Variants in KIAA0753 observed in about 807,000 individuals in gnomAD.
KIAA0753 encodes KIAA0753.
Under a neutral mutation model 116.9 loss-of-function variants are expected in KIAA0753, and 114 were observed. The observed-to-expected ratio is 0.98, with a 90% CI of 0.84 to 1.14. The LOEUF (loss-of-function observed/expected upper bound fraction) is 1.14, where lower values mean the gene tolerates loss of function less well. Among genes scored for constraint, KIAA0753 ranks in the 50% most tolerant of loss-of-function variants. The pLI is 0.00. For synonymous variants in KIAA0753, 405 were observed against 413.1 expected (o/e 0.98, Z 0.24); for missense variants, 1,156 against 1,172.4 (o/e 0.99, Z 0.20).
Position 6,626,302 on chromosome 17 carries a change from A to G in KIAA0753, c.719-1441T>C, listed in dbSNP as rs759922112. 4.6e-5 allele frequency among the ~76,000 whole-genome samples: 7 copies of G among 152,220 alleles called. No homozygotes were observed. In the East Asian group the frequency reaches 5.8e-4, roughly 13 times the overall value. On this transcript the variant is annotated intron_variant, in intron 3 of 18. Coordinates refer to ENST00000361413, the MANE Select transcript of KIAA0753 (RefSeq NM_014804.3). Reference sequence around the variant, plus strand: ...AGAAAAGGGAGTCTTCAATTAGTAAAAGTGTATTTTATAAGTTCAAATTTT... The same window carrying G: ...AGAAAAGGGAGTCTTCAATTAGTAAGAGTGTATTTTATAAGTTCAAATTTT...
At position 6,582,517 on chromosome 17, in the gene KIAA0753, C is replaced by T. The variant is rs183645056; in HGVS notation, c.2787-2653G>A. The stretch of plus-strand genomic sequence containing the variant: ...CACTCCCCCTCTCCTATTCCTTCTA[C>T]CCCATTCCCACCCAGTTTTTGTTTT... On this transcript the variant is annotated intron_variant, in intron 18 of 18. Coordinates refer to ENST00000361413, the MANE Select transcript of KIAA0753 (RefSeq NM_014804.3). Among the ~76,000 whole-genome samples, 274 of 152,330 alleles carry T rather than the reference C, an allele frequency of 1.8e-3. 4 individuals carry two copies. The highest frequency in any genetic ancestry group is 0.017 in the South Asian group (82 of 4,826).
At chr17:6,611,393 T>A (rs537333756) in intron 8 of KIAA0753, among the ~76,000 whole-genome samples, 1 of 152,268 alleles carries the variant, frequency 6.6e-6, no homozygotes, top group South Asian at 2.1e-4. Context: ...TTCAAACTCC[T>A]GGGATCAAGT....
chr17:6,616,924 TC>T (rs1191667679), intron 7 of KIAA0753, among the ~76,000 whole-genome samples: 1 of 152,170 alleles, frequency 6.6e-6, no homozygotes, highest in East Asian at 1.9e-4. Flanking sequence ...GGTCCAAGTT[TC>T]CCCCCTTTGC....
At chr17:6,595,579 G>A (rs1308390432) in intron 15 of KIAA0753, among the ~76,000 whole-genome samples, 4 of 152,182 alleles carry the variant, frequency 2.6e-5, no homozygotes, top group South Asian at 2.1e-4. Flanking sequence ...AAAAGAAAAC[G>A]CTGAATTGAG....
intron 12 of KIAA0753, among the ~76,000 whole-genome samples, chr17:6,604,576 C>T (rs1027224483): frequency 2.6e-5 from 4 of 152,046 alleles, no homozygotes; most frequent in Non-Finnish European, 5.9e-5. Flanking sequence ...TAATAACACT[C>T]TTGAAATAAC....
intron 7 of KIAA0753, among the ~76,000 whole-genome samples, chr17:6,618,777 GA>G (rs148012862): frequency 0.021 from 3,131 of 150,810 alleles, 103 homozygotes; most frequent in African/African-American, 0.071. Flanking sequence ...AAATCAATGA[GA>G]AAAAAAGAAA....
At chr17:6,618,576 G>C (rs909553236) in intron 7 of KIAA0753, among the ~76,000 whole-genome samples, 1 of 152,140 alleles carries the variant, frequency 6.6e-6, no homozygotes, top group African/African-American at 2.4e-5. Flanking sequence ...TGTTTGGTGT[G>C]GCAAAAACCC....
intron 2 of KIAA0753, 21 bp downstream of exon 2, chr17:6,634,990 C>A (rs754143064): frequency 4.1e-6 from 6 of 1,456,570 alleles, no homozygotes; most frequent in East Asian, 2.3e-5. Flanking sequence ...TAATAAAAAT[C>A]TCAGGCAAAA....
At chr17:6,610,713 TCTCA>T (rs1970486055) in intron 8 of KIAA0753, among the ~76,000 whole-genome samples, 1 of 152,012 alleles carries the variant, frequency 6.6e-6, no homozygotes, top group South Asian at 2.1e-4. Flanking sequence ...AGAGCCAGGG[TCTCA>T]CTGTGTTGTC....
intron 18 of KIAA0753, among the ~76,000 whole-genome samples, chr17:6,585,784 A>G (rs1478340547): frequency 6.6e-6 from 1 of 152,164 alleles, no homozygotes; most frequent in East Asian, 1.9e-4. Flanking sequence ...TTAATGTTTT[A>G]TTCTTCTCAC....
chr17:6,607,009 T>A, intron 11 of KIAA0753, 47 bp from the exon 12 acceptor site: 1 of 1,563,882 alleles, frequency 6.4e-7, no homozygotes, highest in South Asian at 1.1e-5. Flanking sequence ...CAAGGCAGAG[T>A]CAGGGCTCCC....
intron 7 of KIAA0753, among the ~76,000 whole-genome samples, chr17:6,613,714 T>C (rs75869240): frequency 0.021 from 3,157 of 152,178 alleles, 104 homozygotes; most frequent in African/African-American, 0.07. Flanking sequence ...TTGCCTCACA[T>C]TGAACACTTA....
chr17:6,624,088 A>G (rs1971502438), intron 4 of KIAA0753: 1 of 152,546 alleles, frequency 6.6e-6, no homozygotes, highest in African/African-American at 2.4e-5. Context: ...CTTTTGGTTC[A>G]AGCAATAAAG....
intron 7 of KIAA0753, among the ~76,000 whole-genome samples, chr17:6,615,887 A>G (rs962218933): frequency 1.3e-5 from 2 of 152,168 alleles, no homozygotes; most frequent in African/African-American, 4.8e-5. Flanking sequence ...CCAGCCAACT[A>G]TTATGTAAAT....
chr17:6,626,261 A>G (rs1252955211), intron 3 of KIAA0753, among the ~76,000 whole-genome samples: 1 of 152,262 alleles, frequency 6.6e-6, no homozygotes, highest in Non-Finnish European at 1.5e-5. Flanking sequence ...AAACTCCAAT[A>G]TACTCCAATT....
Position 6,580,899 on chromosome 17 carries a change from TACACACACACAC to T in KIAA0753, c.2787-1047_2787-1036del, listed in dbSNP as rs33914667. Among the ~76,000 whole-genome samples the T allele has an allele frequency of 4.9e-5, 7 of 144,032 alleles. No homozygotes were observed. The South Asian group carries it at 1.1e-3, about 23-fold the overall frequency. 94.5% of individuals were successfully genotyped at this position (144,032 alleles called of 152,430 possible). ...GGGACTCTGCACGGGTGCTCCTCTG[TACACACACACAC>T]ACACACACACACACACACACCTTCA... On this transcript the variant is annotated intron_variant, in intron 18 of 18. Coordinates refer to ENST00000361413, the MANE Select transcript of KIAA0753 (RefSeq NM_014804.3).
intron 18 of KIAA0753, among the ~76,000 whole-genome samples, chr17:6,581,331 C>T (rs556800916): frequency 6.6e-6 from 1 of 152,142 alleles, no homozygotes; most frequent in East Asian, 1.9e-4. Flanking sequence ...TGATCAGATT[C>T]AGGACATACG....
chr17:6,583,583 G>A (rs1453525458), intron 18 of KIAA0753, among the ~76,000 whole-genome samples: 1 of 151,844 alleles, frequency 6.6e-6, no homozygotes, highest in African/African-American at 2.4e-5. Context: ...ATTTTCTTCT[G>A]TCCTATGTTC....
chr17:6,628,118 T>A lies in KIAA0753; in HGVS notation c.717A>T (p.Lys239Asn), dbSNP rs1971790572. 1.2e-6 allele frequency: 2 copies of A among 1,604,450 alleles called. No homozygotes were observed. The highest frequency in any genetic ancestry group is 1.7e-6 in the Non-Finnish European group (2 of 1,176,060). Residue 239 changes from lysine (K) to asparagine (N), a missense_variant and splice_region_variant, in exon 3 of 19, where the codon AAA (lysine) becomes AAT (asparagine). Coordinates refer to ENST00000361413, the MANE Select transcript of KIAA0753 (RefSeq NM_014804.3). ...AGTAAAGAATCTAATTTTTCTCACC[T>A]TTTTTAGTTACCTCTTCAATTTTGT... is the stretch of plus-strand genomic sequence containing the variant. ...CIHKIEEVTK[K>N]DRLEEALDPD...
Sources: gnomAD v4.1 joint callset for allele counts (sites outside exome capture counted in the v4.1 genomes callset) on GRCh38, gnomAD v4.1.1 for gene constraint, MANE v1.5 for transcripts, NCBI Gene and HGNC (gene_info 2026-07-23, HGNC 2026-07-21) for gene names.